The following CPQ variants were observed in gnomAD, a reference collection of about 807,000 sequenced individuals.
CPQ encodes carboxypeptidase Q.
In CPQ, 37 loss-of-function variants were observed where a neutral mutation model predicts 45.7. The observed-to-expected ratio is 0.81, with a 90% confidence interval of 0.62 to 1.07. The LOEUF (loss-of-function observed/expected upper bound fraction) is 1.07. Ranked by LOEUF, CPQ falls within the 50% of genes least tolerant of loss-of-function variation. CPQ has a pLI of 0.00. For missense variants in CPQ, 537 were observed against 572.9 expected (o/e 0.94, Z 0.64); for synonymous variants, 186 against 205.8 (o/e 0.90, Z 0.82).
At chr8:97,008,447 C>T (rs970942668) in intron 5 of CPQ, among the ~76,000 whole-genome samples, 13 of 152,180 alleles carry the variant, frequency 8.5e-5, no homozygotes, top group African/African-American at 3.1e-4. Context: ...TTCTCTTAGA[C>T]TGGGTTTCTC....
At chr8:97,023,006 A>G (rs1226220018) in intron 5 of CPQ, among the ~76,000 whole-genome samples, 4 of 147,480 alleles carry the variant, frequency 2.7e-5, no homozygotes, top group African/African-American at 9.9e-5. Context: ...CAGTATATAT[A>G]TACTATATAT....
chr8:96,769,348 T>C (rs1810510440), intron 1 of CPQ, among the ~76,000 whole-genome samples: 1 of 152,176 alleles, frequency 6.6e-6, no homozygotes. Flanking sequence ...CTACCCACTT[T>C]GTATTTGGCT....
chr8:96,950,843 A>G (rs1813253078), intron 4 of CPQ, among the ~76,000 whole-genome samples: 1 of 152,142 alleles, frequency 6.6e-6, no homozygotes, highest in South Asian at 2.1e-4. Context: ...CCATTTTTAG[A>G]TACACAAAAG....
At chr8:96,770,587 G>A (rs1014637343) in intron 1 of CPQ, among the ~76,000 whole-genome samples, 2 of 151,776 alleles carry the variant, frequency 1.3e-5, no homozygotes, top group Non-Finnish European at 2.9e-5. Flanking sequence ...GGTAGGAGAG[G>A]TGAGCCTGGA....
intron 1 of CPQ, among the ~76,000 whole-genome samples, chr8:96,667,506 G>A (rs967304718): frequency 1.3e-5 from 2 of 151,680 alleles, no homozygotes; most frequent in African/African-American, 4.8e-5. Context: ...GTGCCACCAC[G>A]CCTGGCTAAT....
Position 96,806,294 on chromosome 8 carries a change from A to G in CPQ, c.433+20964A>G, listed in dbSNP as rs561374804. On this transcript the variant is annotated intron_variant, in intron 2 of 7. Transcript: ENST00000220763. The stretch of plus-strand genomic sequence containing the variant: ...TTGAGATAATTTTTACCTTTAACAT[A>G]AAAGTTCGGCTCTAAAAAATGTTTG... Among the ~76,000 whole-genome samples the G allele has an allele frequency of 3.9e-5, 6 of 152,304 alleles. No individual in the cohort carries two copies. The South Asian group carries it at 1.2e-3, about 32-fold the overall frequency.
intron 6 of CPQ, among the ~76,000 whole-genome samples, chr8:97,047,939 A>G (rs192243341): frequency 3.2e-3 from 488 of 152,312 alleles, no homozygotes; most frequent in Non-Finnish European, 5.8e-3. Context: ...GAAATAATGC[A>G]TGTATATGTC....
intron 7 of CPQ, among the ~76,000 whole-genome samples, chr8:97,136,764 T>G (rs1195446364): frequency 6.6e-6 from 1 of 152,210 alleles, no homozygotes; most frequent in Non-Finnish European, 1.5e-5. Context: ...AATATTTGCC[T>G]TCAGAGCAGG....
At chr8:97,045,964 T>C (rs993237342) in intron 6 of CPQ, among the ~76,000 whole-genome samples, 1 of 152,228 alleles carries the variant, frequency 6.6e-6, no homozygotes, top group African/African-American at 2.4e-5. Context: ...ACTATGTTAC[T>C]TTAAGGGCTG....
At chr8:96,745,687 CT>C (rs2130782357) in intron 1 of CPQ, among the ~76,000 whole-genome samples, 1 of 152,306 alleles carries the variant, frequency 6.6e-6, no homozygotes, top group South Asian at 2.1e-4. Flanking sequence ...TTGTATGACT[CT>C]AAAACCCTTG....
chr8:96,713,355 C>A (rs1039255062), intron 1 of CPQ, among the ~76,000 whole-genome samples: 4 of 151,980 alleles, frequency 2.6e-5, no homozygotes, highest in African/African-American at 9.7e-5. Flanking sequence ...GCGCCCCATT[C>A]CCGTTACCAA....
intron 1 of CPQ, among the ~76,000 whole-genome samples, chr8:96,715,485 T>G (rs1265666890): frequency 6.6e-6 from 1 of 152,140 alleles, no homozygotes; most frequent in East Asian, 1.9e-4. Flanking sequence ...AAGGAGTTAC[T>G]CTGAACCATT....
intron 5 of CPQ, among the ~76,000 whole-genome samples, chr8:96,973,533 A>G (rs2130376047): frequency 6.6e-6 from 1 of 152,310 alleles, no homozygotes; most frequent in Non-Finnish European, 1.5e-5. Flanking sequence ...TGGGAAATTC[A>G]TTGCCAAAAG....
At chr8:97,085,982 A>T (rs1454094737) in intron 7 of CPQ, among the ~76,000 whole-genome samples, 1 of 152,218 alleles carries the variant, frequency 6.6e-6, no homozygotes, top group Non-Finnish European at 1.5e-5. Flanking sequence ...ATTCTACAGA[A>T]GAGAGGAAGC....
chr8:96,721,269 C>A (rs1809760527), intron 1 of CPQ, among the ~76,000 whole-genome samples: 1 of 151,890 alleles, frequency 6.6e-6, no homozygotes. Context: ...GACTCTAGCT[C>A]ACTTTACTGT....
intron 2 of CPQ, among the ~76,000 whole-genome samples, chr8:96,817,074 A>G (rs1811238094): frequency 6.6e-6 from 1 of 152,174 alleles, no homozygotes. Flanking sequence ...GAAGCTTTGA[A>G]TCCAGGCATT....
At chr8:96,907,247 G>A (rs1182214720) in intron 4 of CPQ, among the ~76,000 whole-genome samples, 3 of 152,088 alleles carry the variant, frequency 2.0e-5, no homozygotes, top group Non-Finnish European at 2.9e-5. Context: ...ATGGTCATTC[G>A]GTGAGAGGTT....
intron 5 of CPQ, among the ~76,000 whole-genome samples, chr8:97,027,415 T>C (rs922571013): frequency 1.3e-5 from 2 of 152,224 alleles, no homozygotes; most frequent in African/African-American, 2.4e-5. Context: ...TTTTCACTTA[T>C]TGAATGCCAA....
At chr8:96,807,061 T>C (rs978700023) in intron 2 of CPQ, among the ~76,000 whole-genome samples, 1 of 152,200 alleles carries the variant, frequency 6.6e-6, no homozygotes, top group Admixed American at 6.5e-5. Flanking sequence ...ATTCTCTATT[T>C]GTTATCTGAT....
Sources: allele counts gnomAD v4.1 joint callset (sites outside exome capture counted in the v4.1 genomes callset), GRCh38; gene constraint gnomAD v4.1.1; transcripts MANE v1.5; gene names NCBI Gene and HGNC (gene_info 2026-07-23, HGNC 2026-07-21).